The following NKAIN2 variants were observed in gnomAD, a reference collection of about 807,000 sequenced individuals.
NKAIN2 encodes sodium/potassium-transporting ATPase subunit beta-1-interacting protein 2.
Under a neutral mutation model 32.6 loss-of-function variants are expected in NKAIN2, and 14 were observed. The observed-to-expected ratio is 0.43, with a 90% CI of 0.28 to 0.67. The LOEUF (loss-of-function observed/expected upper bound fraction) is 0.67, where lower values mean the gene tolerates loss of function less well. Among genes scored for constraint, NKAIN2 ranks in the 30% least tolerant of loss-of-function variants. The probability of loss-of-function intolerance (pLI) is 0.17; values close to 1 mark genes in which losing one functional copy is unlikely to be tolerated. For synonymous variants in NKAIN2, 80 were observed against 87.2 expected, an observed-to-expected ratio of 0.92 and a Z score of 0.46; for missense variants, 198 against 258.3, an observed-to-expected ratio of 0.77 and a Z score of 1.60.
chr6:124,514,805 G>A (rs927005021), intron 3 of NKAIN2, among the ~76,000 whole-genome samples: 9 of 150,040 alleles, frequency 6.0e-5, no homozygotes, highest in African/African-American at 2.0e-4. Flanking sequence ...TCTTACCCAC[G>A]GAATTCTCAT....
chr6:124,291,896 T>A (rs1355320199), intron 2 of NKAIN2, among the ~76,000 whole-genome samples: 1 of 152,042 alleles, frequency 6.6e-6, no homozygotes, highest in Non-Finnish European at 1.5e-5. Context: ...ATGCCTTGTC[T>A]CCTGTTTATC....
At chr6:124,764,503 T>C (rs1178092283) in intron 4 of NKAIN2, among the ~76,000 whole-genome samples, 2 of 152,162 alleles carry the variant, frequency 1.3e-5, no homozygotes, top group African/African-American at 2.4e-5. Context: ...AAGCAGCCCG[T>C]AAGCTACAAG....
chr6:124,049,514 C>T (rs1218656985), intron 1 of NKAIN2, among the ~76,000 whole-genome samples: 5 of 152,042 alleles, frequency 3.3e-5, no homozygotes, highest in Admixed American at 2.0e-4. Context: ...ACTCGGTCCA[C>T]GATGAATTAC....
At chr6:124,502,606 A>T (rs1464543506) in intron 3 of NKAIN2, among the ~76,000 whole-genome samples, 2 of 152,246 alleles carry the variant, frequency 1.3e-5, no homozygotes, top group Non-Finnish European at 1.5e-5. Flanking sequence ...AAAAGAATTC[A>T]TGATATCAGC....
At chr6:124,638,634 G>A (rs1783861474) in intron 3 of NKAIN2, among the ~76,000 whole-genome samples, 1 of 152,016 alleles carries the variant, frequency 6.6e-6, no homozygotes, top group South Asian at 2.1e-4. Context: ...GGTGGCTCAC[G>A]CCTGTAATCT....
intron 5 of NKAIN2, among the ~76,000 whole-genome samples, chr6:124,801,457 G>C (rs556667032): frequency 6.6e-6 from 1 of 152,292 alleles, no homozygotes; most frequent in Non-Finnish European, 1.5e-5. Context: ...CAATCATTTA[G>C]AGGCAGAACT....
chr6:124,156,703 G>A (rs555151052), intron 1 of NKAIN2, among the ~76,000 whole-genome samples: 21 of 152,032 alleles, frequency 1.4e-4, no homozygotes, highest in Non-Finnish European at 2.9e-4. Flanking sequence ...AAAAAATCTC[G>A]CTTTATATTT....
At chr6:124,664,655 G>A (rs539471409) in intron 4 of NKAIN2, among the ~76,000 whole-genome samples, 10 of 149,138 alleles carry the variant, frequency 6.7e-5, no homozygotes, top group Non-Finnish European at 1.2e-4. Context: ...TTAGCCGGGC[G>A]TAGTGGCGGG....
intron 3 of NKAIN2, among the ~76,000 whole-genome samples, chr6:124,451,675 A>C (rs1459875645): frequency 3.3e-5 from 5 of 152,194 alleles, no homozygotes; most frequent in African/African-American, 1.2e-4. Flanking sequence ...AGATTTCTTC[A>C]AATATGTGAA....
At chr6:124,749,516 A>G (rs1375477260) in intron 4 of NKAIN2, among the ~76,000 whole-genome samples, 1 of 151,954 alleles carries the variant, frequency 6.6e-6, no homozygotes, top group Admixed American at 6.6e-5. Context: ...ACTTTACATC[A>G]TCCTTGGATA....
chr6:123,943,760 A>G (rs1192346099), intron 1 of NKAIN2, among the ~76,000 whole-genome samples: 1 of 152,030 alleles, frequency 6.6e-6, no homozygotes, highest in African/African-American at 2.4e-5. Flanking sequence ...TGGGTATTCC[A>G]TTGTTCTAGG....
intron 3 of NKAIN2, among the ~76,000 whole-genome samples, chr6:124,498,841 A>G (rs1583342036): frequency 6.6e-6 from 1 of 152,360 alleles, no homozygotes; most frequent in Admixed American, 6.5e-5. Context: ...GTTGTCCACT[A>G]AAGTTCTGCT....
intron 1 of NKAIN2, among the ~76,000 whole-genome samples, chr6:124,037,849 G>C (rs1329211127): frequency 6.6e-6 from 1 of 152,078 alleles, no homozygotes; most frequent in African/African-American, 2.4e-5. Context: ...CAACTTCAAA[G>C]GGTTGAAAGC....
At chr6:123,999,595 C>T (rs1247321350) in intron 1 of NKAIN2, among the ~76,000 whole-genome samples, 2 of 152,066 alleles carry the variant, frequency 1.3e-5, no homozygotes, top group Admixed American at 6.6e-5. Flanking sequence ...TAAGTTTTAT[C>T]CTGATTTTAA....
intron 3 of NKAIN2, among the ~76,000 whole-genome samples, chr6:124,419,064 A>G (rs911800175): frequency 2.6e-5 from 4 of 151,872 alleles, no homozygotes; most frequent in Non-Finnish European, 5.9e-5. Flanking sequence ...TGCCTGTTTT[A>G]ATGTTGTTGT....
At chr6:124,279,381 C>A (rs1032698662) in intron 1 of NKAIN2, among the ~76,000 whole-genome samples, 1 of 151,802 alleles carries the variant, frequency 6.6e-6, no homozygotes, top group African/African-American at 2.4e-5. Context: ...GTGGCGGGCA[C>A]CTGTAGTCCC....
At chr6:124,497,028 C>T (rs1196363958) in intron 3 of NKAIN2, among the ~76,000 whole-genome samples, 2 of 152,052 alleles carry the variant, frequency 1.3e-5, no homozygotes, top group African/African-American at 4.8e-5. Context: ...CGGCCAGAAG[C>T]CCACTAACCA....
At chr6:124,144,778 A>C (rs1787312347) in intron 1 of NKAIN2, among the ~76,000 whole-genome samples, 1 of 152,164 alleles carries the variant, frequency 6.6e-6, no homozygotes, top group African/African-American at 2.4e-5. Flanking sequence ...AATATGGATA[A>C]ATTGGGCCTA....
intron 2 of NKAIN2, among the ~76,000 whole-genome samples, chr6:124,316,766 T>A (rs184906847): frequency 6.6e-6 from 1 of 152,224 alleles, no homozygotes; most frequent in Non-Finnish European, 1.5e-5. Flanking sequence ...ATAAGGTGAC[T>A]CATTCTACTC....
Sources: allele counts gnomAD v4.1 joint callset (sites outside exome capture counted in the v4.1 genomes callset), GRCh38; gene constraint gnomAD v4.1.1; transcripts MANE v1.5; gene names NCBI Gene and HGNC (gene_info 2026-07-23, HGNC 2026-07-21).